ANO10: variants seen among roughly 807,000 people sequenced by gnomAD.
ANO10 encodes anoctamin 10, also known as anoctamin-10.
A neutral mutation model predicts 74.7 loss-of-function variants in ANO10; 77 were observed. The observed-to-expected ratio is 1.03, with a 90% CI of 0.86 to 1.25. The LOEUF is 1.25. Ranked by LOEUF, ANO10 falls within the 50% of genes most tolerant of loss-of-function variation. The pLI is 0.00. For missense variants in ANO10, 721 were observed against 778.1 expected (o/e 0.93, Z 0.87); for synonymous variants, 279 against 284.9 (o/e 0.98, Z 0.21).
At chr3:43,680,830 G>T (rs1030568955) in intron 1 of ANO10, among the ~76,000 whole-genome samples, 1 of 152,122 alleles carries the variant, frequency 6.6e-6, no homozygotes, top group African/African-American at 2.4e-5. Context: ...GCCAAACTAA[G>T]CTTCATAAGT....
chr3:43,444,106 T>G (rs765296581), intron 11 of ANO10, among the ~76,000 whole-genome samples: 2 of 152,184 alleles, frequency 1.3e-5, no homozygotes, highest in Non-Finnish European at 2.9e-5. Flanking sequence ...TTGGCTCTTC[T>G]CTCTTAAAAT....
intron 11 of ANO10, among the ~76,000 whole-genome samples, chr3:43,461,902 G>A (rs2075394495): frequency 6.6e-6 from 1 of 152,188 alleles, no homozygotes; most frequent in Admixed American, 6.5e-5. Context: ...ACAGTTAGGA[G>A]GGCTTAGAAG....
At position 43,400,741 on chromosome 3, in the gene ANO10, C is replaced by T. The variant is rs112194563; in HGVS notation, c.1914+31870G>A. On this transcript the variant is annotated intron_variant, in intron 12 of 12. Transcript: ENST00000292246. ...GCTGCAGTGAGCCCTGATGGTGCCACTGAACTCCAGCCTGGGAGAGTGAGA... is the reference window on the plus strand; with the variant it reads ...GCTGCAGTGAGCCCTGATGGTGCCATTGAACTCCAGCCTGGGAGAGTGAGA... Among the ~76,000 whole-genome samples, 104 of 152,232 alleles carry T rather than the reference C, an allele frequency of 6.8e-4. 2 individuals carry two copies. Among genetic ancestry groups the T allele is most frequent in the African/African-American group, 2.1e-3 (86 of 41,536 alleles).
chr3:43,578,471 C>T (rs767565888), intron 5 of ANO10, among the ~76,000 whole-genome samples: 3 of 152,044 alleles, frequency 2.0e-5, no homozygotes, highest in South Asian at 2.1e-4. Flanking sequence ...TAACAGAGGC[C>T]GGGAGCAGTG....
At chr3:43,625,232 T>A (rs2083481090), upstream of ANO10, among the ~76,000 whole-genome samples, 1 of 152,230 alleles carries the variant, frequency 6.6e-6, no homozygotes, top group South Asian at 2.1e-4. Context: ...AGCAGACTTT[T>A]TTCCTGGTCC....
chr3:43,433,618 C>T (rs2093024788), intron 11 of ANO10, among the ~76,000 whole-genome samples: 1 of 152,146 alleles, frequency 6.6e-6, no homozygotes, highest in South Asian at 2.1e-4. Flanking sequence ...AACTTAAAAC[C>T]TGGCTATTAT....
intron 3 of ANO10, 127 bp from the exon 4 acceptor site, chr3:43,598,793 G>T: frequency 1.3e-6 from 1 of 766,678 alleles, no homozygotes; most frequent in Non-Finnish European, 2.0e-6. Flanking sequence ...AAAGTATGAA[G>T]CTGGTAAATT....
chr3:43,512,301 C>G (rs2077539541), intron 11 of ANO10, among the ~76,000 whole-genome samples: 1 of 152,128 alleles, frequency 6.6e-6, no homozygotes, highest in Non-Finnish European at 1.5e-5. Flanking sequence ...TCTCAGGGAC[C>G]AGTCAGACAT....
At chr3:43,551,200 T>C (rs2079441110) in intron 10 of ANO10, among the ~76,000 whole-genome samples, 1 of 152,212 alleles carries the variant, frequency 6.6e-6, no homozygotes, top group Non-Finnish European at 1.5e-5. Context: ...AATGTGGAAT[T>C]AGGCTAAATT....
chr3:43,527,864 C>T (rs985057619), intron 11 of ANO10, among the ~76,000 whole-genome samples: 2 of 152,074 alleles, frequency 1.3e-5, no homozygotes, highest in African/African-American at 2.4e-5. Context: ...AAGGATAGTG[C>T]TTGAAAATGC....
At chr3:43,661,382 C>A (rs889961850) in intron 1 of ANO10, among the ~76,000 whole-genome samples, 1 of 151,868 alleles carries the variant, frequency 6.6e-6, no homozygotes, top group African/African-American at 2.4e-5. Context: ...ACCAGGCCTG[C>A]CTTACAAGAG....
intron 11 of ANO10, among the ~76,000 whole-genome samples, chr3:43,544,104 T>C (rs2149288169): frequency 6.6e-6 from 1 of 152,326 alleles, no homozygotes; most frequent in Non-Finnish European, 1.5e-5. Flanking sequence ...GCAGGTAAAG[T>C]AGTAATCTTT....
chr3:43,552,855 G>A lies in ANO10; in HGVS notation c.1668+2423C>T, dbSNP rs188256234. On this transcript the variant is annotated intron_variant, in intron 10 of 12. Transcript: ENST00000292246. ...GTCACCCAGGCTGGAGTGGAATGGC[G>A]CAATCTCAGCACACTGCAACCCCTG... 8.4e-4 allele frequency among the ~76,000 whole-genome samples: 128 copies of A among 151,752 alleles called. 1 individual carries two copies. In the South Asian group the frequency reaches 0.023, roughly 27 times the overall value.
chr3:43,448,159 A>G (rs2093276372), intron 11 of ANO10, among the ~76,000 whole-genome samples: 1 of 152,168 alleles, frequency 6.6e-6, no homozygotes, highest in South Asian at 2.1e-4. Context: ...TTAATCTTGG[A>G]CTTCTCAACT....
At chr3:43,689,695 CA>C (rs2084326326) in intron 1 of ANO10, among the ~76,000 whole-genome samples, 1 of 152,108 alleles carries the variant, frequency 6.6e-6, no homozygotes, top group Admixed American at 6.6e-5. Flanking sequence ...AACAATTACA[CA>C]AGGCTGAGAA....
At chr3:43,630,244 TA>T (rs1280788063) in intron 1 of ANO10, among the ~76,000 whole-genome samples, 3 of 152,224 alleles carry the variant, frequency 2.0e-5, no homozygotes, top group Admixed American at 6.5e-5. Context: ...ATCTAAAATC[TA>T]AATACTAAAT....
At chr3:43,656,273 T>C (rs2083850305) in intron 1 of ANO10, among the ~76,000 whole-genome samples, 1 of 152,010 alleles carries the variant, frequency 6.6e-6, no homozygotes, top group Admixed American at 6.5e-5. Context: ...TTGAGCTAGA[T>C]ACAGAGTGCT....
intron 1 of ANO10, among the ~76,000 whole-genome samples, chr3:43,662,383 A>G (rs2083936458): frequency 6.6e-6 from 1 of 152,226 alleles, no homozygotes; most frequent in South Asian, 2.1e-4. Flanking sequence ...AACGTACCAG[A>G]ATCTCTGGGA....
chr3:43,484,901 T>G, intron 11 of ANO10: 2 of 666,380 alleles, frequency 3.0e-6, no homozygotes, highest in Non-Finnish European at 5.1e-6. Flanking sequence ...GCATTTACAG[T>G]TTATGTCTTT....
Sources: allele counts gnomAD v4.1 joint callset (sites outside exome capture counted in the v4.1 genomes callset), GRCh38; gene constraint gnomAD v4.1.1; transcripts MANE v1.5; gene names NCBI Gene and HGNC (gene_info 2026-07-23, HGNC 2026-07-21).